C10orf90: variants seen among roughly 807,000 people sequenced by gnomAD.
C10orf90 encodes chromosome 10 open reading frame 90, also known as (E2-independent) E3 ubiquitin-conjugating enzyme FATS.
Under a neutral mutation model 62.5 loss-of-function variants are expected in C10orf90, and 56 were observed. The ratio of observed to expected loss-of-function variants is 0.90; its 90% CI spans 0.72 to 1.12. The LOEUF (loss-of-function observed/expected upper bound fraction) is 1.12, where lower values mean the gene tolerates loss of function less well. Ranked by LOEUF, C10orf90 falls within the 50% of genes most tolerant of loss-of-function variation. The probability of loss-of-function intolerance (pLI) is 0.00; values close to 1 mark genes in which losing one functional copy is unlikely to be tolerated. For missense variants in C10orf90, 970 were observed against 880.4 expected (o/e 1.10, Z -1.29); for synonymous variants, 386 against 340.4 (o/e 1.13, Z -1.47).
chr10:126,460,168 C>T (rs1003219434), intron 6 of C10orf90, among the ~76,000 whole-genome samples: 6 of 152,224 alleles, frequency 3.9e-5, no homozygotes, highest in Admixed American at 2.6e-4. Flanking sequence ...GTTCCATCTA[C>T]CCCAGGAATC....
chr10:126,436,650 A>G (rs1040465509), intron 7 of C10orf90, among the ~76,000 whole-genome samples: 4 of 152,130 alleles, frequency 2.6e-5, no homozygotes, highest in African/African-American at 9.7e-5. Flanking sequence ...TTGCGGGAGC[A>G]GAATCATTTT....
chr10:126,631,294 T>TG (rs1308330264), intron 2 of C10orf90, among the ~76,000 whole-genome samples: 1 of 152,150 alleles, frequency 6.6e-6, no homozygotes. Flanking sequence ...CGCCATTTCT[T>TG]GGTAGGATCA....
chr10:126,530,500 A>G (rs1195177380), intron 2 of C10orf90, among the ~76,000 whole-genome samples: 1 of 151,970 alleles, frequency 6.6e-6, no homozygotes, highest in South Asian at 2.1e-4. Flanking sequence ...AAATTGCTTG[A>G]AAAAAAATAC....
intron 2 of C10orf90, among the ~76,000 whole-genome samples, chr10:126,529,152 C>G (rs1364928007): frequency 6.6e-6 from 1 of 152,146 alleles, no homozygotes; most frequent in Non-Finnish European, 1.5e-5. Context: ...TACGCTGGGA[C>G]AATTAGCTAC....
At chr10:126,568,909 A>G (rs1014167693) in intron 2 of C10orf90, among the ~76,000 whole-genome samples, 3 of 152,146 alleles carry the variant, frequency 2.0e-5, no homozygotes, top group Non-Finnish European at 2.9e-5. Context: ...GAATGAAGAC[A>G]AGGAGGTTTA....
intron 2 of C10orf90, among the ~76,000 whole-genome samples, chr10:126,544,483 A>G (rs1864446359): frequency 6.6e-6 from 1 of 151,992 alleles, no homozygotes; most frequent in Admixed American, 6.6e-5. Context: ...CTATCCACAC[A>G]ACTCACTTCA....
intron 4 of C10orf90, among the ~76,000 whole-genome samples, chr10:126,468,655 C>A (rs1590959779): frequency 6.6e-6 from 1 of 152,090 alleles, no homozygotes; most frequent in East Asian, 1.9e-4. Flanking sequence ...CAACTGCAGG[C>A]CTTAGGGATA....
chr10:126,494,990 A>G (rs1424814770), intron 4 of C10orf90, among the ~76,000 whole-genome samples: 39 of 152,216 alleles, frequency 2.6e-4, no homozygotes, highest in Admixed American at 2.6e-3. Context: ...GACCTGCTTA[A>G]ACTATGTTGT....
At chr10:126,517,762 T>C (rs1352619552) in intron 2 of C10orf90, among the ~76,000 whole-genome samples, 1 of 151,810 alleles carries the variant, frequency 6.6e-6, no homozygotes, top group Non-Finnish European at 1.5e-5. Flanking sequence ...ATACAAAAAT[T>C]AGCTAGGCAT....
chr10:126,569,172 GGCT>G (rs1844454695), intron 2 of C10orf90, among the ~76,000 whole-genome samples: 1 of 152,174 alleles, frequency 6.6e-6, no homozygotes, highest in African/African-American at 2.4e-5. Context: ...TTCCAAGCGT[GGCT>G]GCCAGGGGTG....
rs116813406 is a variant in C10orf90 at position 126,569,340 on chromosome 10, C to G, written c.314-55401G>C. 1.6e-3 allele frequency among the ~76,000 whole-genome samples: 244 copies of G among 152,272 alleles called. 1 individual carries two copies. The highest frequency in any genetic ancestry group is 5.7e-3 in the African/African-American group (237 of 41,552). ...GATTCCTGCCTCCTTTATTGCAGCA[C>G]AGATCCTTACAATAAACTGTCTTTA... On this transcript the variant is annotated intron_variant, in intron 2 of 9. Transcript: ENST00000488181.
At chr10:126,638,802 C>T (rs565475748) in intron 2 of C10orf90, among the ~76,000 whole-genome samples, 8 of 152,318 alleles carry the variant, frequency 5.3e-5, no homozygotes, top group South Asian at 2.1e-4. Flanking sequence ...TGTGTTCACA[C>T]GGTTCCTCAG....
chr10:126,492,522 T>C (rs1861820291), intron 4 of C10orf90, among the ~76,000 whole-genome samples: 1 of 152,162 alleles, frequency 6.6e-6, no homozygotes. Flanking sequence ...ATTCAAAGTT[T>C]TAAAAATTAC....
intron 2 of C10orf90, among the ~76,000 whole-genome samples, chr10:126,576,434 T>G (rs1015242405): frequency 6.6e-6 from 1 of 151,976 alleles, no homozygotes; most frequent in African/African-American, 2.4e-5. Flanking sequence ...CTGGTGAGGA[T>G]GTAGAGAAAA....
intron 2 of C10orf90, among the ~76,000 whole-genome samples, chr10:126,630,344 C>A (rs1294518725): frequency 6.6e-6 from 1 of 152,052 alleles, no homozygotes; most frequent in Admixed American, 6.5e-5. Flanking sequence ...AGTGTAGTCA[C>A]TCTGTGGTTG....
intron 2 of C10orf90, among the ~76,000 whole-genome samples, chr10:126,598,067 C>T (rs1845121474): frequency 6.6e-6 from 1 of 152,142 alleles, no homozygotes; most frequent in Admixed American, 6.5e-5. Flanking sequence ...ATTTCAATGG[C>T]ATTCCTCTGA....
At chr10:126,618,930 T>C (rs999982447) in intron 2 of C10orf90, among the ~76,000 whole-genome samples, 2 of 152,078 alleles carry the variant, frequency 1.3e-5, no homozygotes, top group African/African-American at 2.4e-5. Flanking sequence ...TCAACCTAAA[T>C]GCCCATGAGC....
At chr10:126,443,706 A>G (rs1858552378) in intron 7 of C10orf90, among the ~76,000 whole-genome samples, 1 of 152,072 alleles carries the variant, frequency 6.6e-6, no homozygotes, top group African/African-American at 2.4e-5. Context: ...GAAAACCAGG[A>G]AAGGACATAA....
chr10:126,485,114 T>A (rs1399633201), intron 4 of C10orf90, among the ~76,000 whole-genome samples: 2 of 152,220 alleles, frequency 1.3e-5, no homozygotes, highest in Admixed American at 1.3e-4. Context: ...AATTAGGTCA[T>A]ATGGGTGGAG....
Sources: gnomAD v4.1 joint callset for allele counts (sites outside exome capture counted in the v4.1 genomes callset) on GRCh38, gnomAD v4.1.1 for gene constraint, MANE v1.5 for transcripts, NCBI Gene and HGNC (gene_info 2026-07-23, HGNC 2026-07-21) for gene names.